The following NELL1 variants were observed in gnomAD, a reference collection of about 807,000 sequenced individuals.
The protein encoded by NELL1 is protein kinase C-binding protein NELL1.
In NELL1, 76 loss-of-function variants were observed where a neutral mutation model predicts 107.4. The ratio of observed to expected loss-of-function variants is 0.71; its 90% CI spans 0.59 to 0.86. The LOEUF is 0.86. NELL1 is among the 40% of genes least tolerant of loss of function. The probability of loss-of-function intolerance (pLI) is 0.00; values close to 1 mark genes in which losing one functional copy is unlikely to be tolerated. For missense variants in NELL1, 1,024 were observed against 1,005.5 expected, an observed-to-expected ratio of 1.02 and a Z score of -0.25; for synonymous variants, 353 against 341.2, an observed-to-expected ratio of 1.03 and a Z score of -0.38.
intron 2 of NELL1, among the ~76,000 whole-genome samples, chr11:20,697,040 A>C (rs1242405859): frequency 1.3e-5 from 2 of 152,188 alleles, no homozygotes; most frequent in African/African-American, 4.8e-5. Flanking sequence ...GTTAGGTTTC[A>C]GTTCACTATG....
Position 21,301,999 on chromosome 11 carries a change from G to A in NELL1, c.1550-68854G>A, listed in dbSNP as rs535482782. Among the ~76,000 whole-genome samples the A allele has an allele frequency of 2.0e-3, 306 of 152,164 alleles. 1 individual carries two copies. The highest frequency in any genetic ancestry group is 3.2e-3 in the Non-Finnish European group (220 of 67,956). On this transcript the variant is annotated intron_variant, in intron 14 of 19. Transcript: ENST00000357134. ...TATCTCAAAACTGGCAAGTGGCAGA[G>A]GCAGTATAGGTTCCATGCTTGGCTC...
chr11:20,817,669 C>A (rs948726216), intron 3 of NELL1, among the ~76,000 whole-genome samples: 1 of 151,448 alleles, frequency 6.6e-6, no homozygotes, highest in African/African-American at 2.4e-5. Context: ...TACTTATTTT[C>A]TTCTGCTTGC....
In NELL1 at chr11:20,778,498, CTTTTTTTTTTT is replaced by C. The variant is rs1161737750; in HGVS notation, c.185-5168_185-5158del. Among the ~76,000 whole-genome samples, 211 of 73,036 alleles carry C rather than the reference CTTTTTTTTTTT, an allele frequency of 2.9e-3. 1 individual carries two copies. Among genetic ancestry groups the C allele is most frequent in the Admixed American group, 5.5e-3 (36 of 6,562 alleles). The allele number at this position is 73,036 out of a possible 152,430, so 47.9% of individuals were successfully genotyped here. ...TCCAATCTCCTCCCTTCACCCAGCA[CTTTTTTTTTTT>C]TTTTTTTTTTTTTGCTGATGTTTAA... is the stretch of plus-strand genomic sequence containing the variant. On this transcript the variant is annotated intron_variant, in intron 2 of 19. Coordinates refer to ENST00000357134, the MANE Select transcript of NELL1 (RefSeq NM_006157.5).
At chr11:21,267,625 T>A (rs996545016) in intron 14 of NELL1, among the ~76,000 whole-genome samples, 1 of 151,776 alleles carries the variant, frequency 6.6e-6, no homozygotes, top group Non-Finnish European at 1.5e-5. Context: ...TGGGAGTGTG[T>A]CTCATATGAA....
At chr11:20,722,904 C>T (rs1396771640) in intron 2 of NELL1, among the ~76,000 whole-genome samples, 1 of 151,998 alleles carries the variant, frequency 6.6e-6, no homozygotes, top group Non-Finnish European at 1.5e-5. Flanking sequence ...CTGGGGTGGC[C>T]TCAGGAAAGT....
intron 5 of NELL1, among the ~76,000 whole-genome samples, chr11:20,897,824 T>C (rs993461838): frequency 1.3e-5 from 2 of 152,146 alleles, no homozygotes; most frequent in Non-Finnish European, 2.9e-5. Flanking sequence ...AAAATGCTCA[T>C]CATCCCTGGC....
chr11:20,765,416 C>G (rs992039039), intron 2 of NELL1, among the ~76,000 whole-genome samples: 7 of 152,284 alleles, frequency 4.6e-5, no homozygotes, highest in African/African-American at 1.7e-4. Context: ...CACCACAGCA[C>G]AGTGGTGAGC....
chr11:21,246,346 T>C (rs1220932342), intron 14 of NELL1, among the ~76,000 whole-genome samples: 1 of 152,186 alleles, frequency 6.6e-6, no homozygotes, highest in Non-Finnish European at 1.5e-5. Context: ...AATTGTCATG[T>C]GTGTAGATAT....
intron 1 of NELL1, among the ~76,000 whole-genome samples, chr11:20,671,778 G>T (rs1273344820): frequency 5.3e-5 from 8 of 151,898 alleles, no homozygotes; most frequent in South Asian, 2.1e-4. Context: ...TTGATGGGGG[G>T]GGTGGTGGAG....
intron 14 of NELL1, among the ~76,000 whole-genome samples, chr11:21,356,456 A>T (rs759979943): frequency 3.3e-5 from 5 of 152,080 alleles, no homozygotes; most frequent in Non-Finnish European, 5.9e-5. Flanking sequence ...TCACCAGTAG[A>T]CCCACTAGTA....
At chr11:20,957,022 A>C (rs1851189009) in intron 11 of NELL1, among the ~76,000 whole-genome samples, 1 of 152,164 alleles carries the variant, frequency 6.6e-6, no homozygotes, top group African/African-American at 2.4e-5. Flanking sequence ...AGAATATAGA[A>C]AGAGGGTGAT....
intron 13 of NELL1, among the ~76,000 whole-genome samples, chr11:21,153,487 C>T (rs1212246732): frequency 6.6e-6 from 1 of 152,010 alleles, no homozygotes. Context: ...CTGTACTAGG[C>T]ACTGGGGATG....
At chr11:21,571,039 A>AGC in intron 18 of NELL1, 99 bp downstream of exon 18, 1 of 1,100,820 alleles carries the variant, frequency 9.1e-7, no homozygotes, top group East Asian at 2.4e-5. Context: ...TCATAATACT[A>AGC]TACAGGGAGC....
chr11:21,261,740 G>T (rs1450092076), intron 14 of NELL1, among the ~76,000 whole-genome samples: 1 of 151,798 alleles, frequency 6.6e-6, no homozygotes, highest in Non-Finnish European at 1.5e-5. Flanking sequence ...AAATTATTTT[G>T]TAATTTCAAG....
At chr11:21,357,947 T>G (rs1331137199) in intron 14 of NELL1, among the ~76,000 whole-genome samples, 2 of 152,312 alleles carry the variant, frequency 1.3e-5, no homozygotes, top group African/African-American at 4.8e-5. Flanking sequence ...AGAAGATCAC[T>G]TGACTATAAG....
At chr11:20,733,959 G>A (rs1387295564) in intron 2 of NELL1, among the ~76,000 whole-genome samples, 1 of 152,186 alleles carries the variant, frequency 6.6e-6, no homozygotes, top group Non-Finnish European at 1.5e-5. Context: ...GTGCTATGAA[G>A]TAAAATAAAG....
intron 15 of NELL1, among the ~76,000 whole-genome samples, chr11:21,453,837 G>T (rs1590944219): frequency 6.8e-6 from 1 of 147,308 alleles, no homozygotes; most frequent in Non-Finnish European, 1.5e-5. Context: ...TTTGTGCCAG[G>T]GTTTACAATA....
chr11:20,676,811 A>T (rs182891092), intron 1 of NELL1, among the ~76,000 whole-genome samples: 172 of 152,336 alleles, frequency 1.1e-3, no homozygotes, highest in African/African-American at 3.9e-3. Context: ...TGACTGCATT[A>T]CCATCAGATG....
chr11:20,693,917 G>T (rs1854543268), intron 2 of NELL1, among the ~76,000 whole-genome samples: 1 of 152,102 alleles, frequency 6.6e-6, no homozygotes, highest in African/African-American at 2.4e-5. Context: ...TCACTTTCAG[G>T]TACACCAATC....
Sources: gnomAD v4.1 joint callset for allele counts (sites outside exome capture counted in the v4.1 genomes callset) on GRCh38, gnomAD v4.1.1 for gene constraint, MANE v1.5 for transcripts, NCBI Gene and HGNC (gene_info 2026-07-23, HGNC 2026-07-21) for gene names.